The following CSMD1 variants were observed in gnomAD, a reference collection of about 807,000 sequenced individuals.
The protein encoded by CSMD1 is CUB and sushi domain-containing protein 1.
A neutral mutation model predicts 417.5 loss-of-function variants in CSMD1; 213 were observed. The ratio of observed to expected loss-of-function variants is 0.51; its 90% CI spans 0.46 to 0.57. CSMD1 has a LOEUF of 0.57. CSMD1 is among the 20% of genes least tolerant of loss of function. The pLI is 0.00. For missense variants in CSMD1, 6,923 were observed against 4,529.7 expected, an observed-to-expected ratio of 1.53 and a Z score of -15.17; for synonymous variants, 2,862 against 1,736.8, an observed-to-expected ratio of 1.65 and a Z score of -16.11.
intron 3 of CSMD1, among the ~76,000 whole-genome samples, chr8:4,327,774 C>T (rs1386597496): frequency 1.3e-5 from 2 of 152,164 alleles, no homozygotes; most frequent in East Asian, 3.8e-4. Flanking sequence ...TTTATTTAAT[C>T]ATAAAACCAA....
intron 6 of CSMD1, among the ~76,000 whole-genome samples, chr8:3,719,574 T>C (rs562374444): frequency 2.0e-5 from 3 of 152,300 alleles, no homozygotes; most frequent in East Asian, 3.9e-4. Context: ...AGAGCAATAA[T>C]ACATCTCTTG....
At chr8:3,954,799 C>T (rs971423209) in intron 5 of CSMD1, among the ~76,000 whole-genome samples, 1 of 151,776 alleles carries the variant, frequency 6.6e-6, no homozygotes, top group East Asian at 1.9e-4. Flanking sequence ...CACGCAGAGC[C>T]TCCTTGCCCC....
intron 25 of CSMD1, among the ~76,000 whole-genome samples, chr8:3,303,572 T>C (rs1229746078): frequency 1.3e-5 from 2 of 152,192 alleles, no homozygotes; most frequent in African/African-American, 4.8e-5. Context: ...TGCTAACAAT[T>C]AGGAACAGAA....
intron 5 of CSMD1, among the ~76,000 whole-genome samples, chr8:3,921,227 T>C (rs563112586): frequency 4.9e-4 from 74 of 152,246 alleles, no homozygotes; most frequent in African/African-American, 1.5e-3. Flanking sequence ...ATTTTTACAG[T>C]ATTGTATTTA....
At position 3,795,800 on chromosome 8, in the gene CSMD1, C is replaced by T. The variant is rs117953135; in HGVS notation, c.819-41758G>A. Among the ~76,000 whole-genome samples, 126 of 20,496 alleles carry T rather than the reference C, an allele frequency of 6.1e-3. 28 individuals are homozygous for T. The highest frequency in any genetic ancestry group is 0.01 in the Non-Finnish European group (91 of 8,906). The allele number at this position is 20,496 out of a possible 152,430, so 13.4% of individuals were successfully genotyped here. A position where few individuals can be genotyped will look rare whatever the true frequency, so the allele number is the denominator to read the frequency against. ...TATCATGTACAGATATAGATATATA[C>T]CTATCATGTACAGATATAGATATAT... On this transcript the variant is annotated intron_variant, in intron 5 of 69. Transcript: ENST00000635120.
chr8:2,981,636 C>T (rs542879464), intron 54 of CSMD1, among the ~76,000 whole-genome samples: 16 of 152,084 alleles, frequency 1.1e-4, no homozygotes, highest in South Asian at 2.1e-4. Flanking sequence ...TACAGCTCAG[C>T]GTGGATTTTG....
intron 46 of CSMD1, among the ~76,000 whole-genome samples, chr8:3,097,765 G>T (rs538696328): frequency 3.9e-5 from 6 of 152,050 alleles, no homozygotes; most frequent in South Asian, 2.1e-4. Flanking sequence ...GATCGGGGGT[G>T]GGGGGAACTA....
chr8:3,110,092 A>G, intron 43 of CSMD1, 66 bp downstream of exon 43: 1 of 1,314,290 alleles, frequency 7.6e-7, no homozygotes, highest in Non-Finnish European at 1.0e-6. Flanking sequence ...TATAAGTGGC[A>G]TATGTATGCT....
chr8:4,665,897 T>C (rs1804887282), intron 1 of CSMD1, among the ~76,000 whole-genome samples: 1 of 152,198 alleles, frequency 6.6e-6, no homozygotes, highest in South Asian at 2.1e-4. Flanking sequence ...GATTGTATAG[T>C]AGGTATATAT....
At chr8:3,448,303 G>C (rs1324607923) in intron 12 of CSMD1, among the ~76,000 whole-genome samples, 3 of 12,100 alleles carry the variant, frequency 2.5e-4, no homozygotes, top group Non-Finnish European at 7.5e-4. Flanking sequence ...GAAACTGGTG[G>C]GAAGGAAGGA....
chr8:4,104,446 A>G (rs964210760), intron 3 of CSMD1, among the ~76,000 whole-genome samples: 2 of 149,838 alleles, frequency 1.3e-5, no homozygotes, highest in African/African-American at 5.0e-5. Flanking sequence ...ATGCACACAC[A>G]CACACAGGAT....
intron 1 of CSMD1, among the ~76,000 whole-genome samples, chr8:4,943,945 C>G (rs1464061070): frequency 6.6e-6 from 1 of 152,046 alleles, no homozygotes; most frequent in Non-Finnish European, 1.5e-5. Flanking sequence ...TATGGAAAGA[C>G]AGAAAATGTA....
intron 29 of CSMD1, among the ~76,000 whole-genome samples, chr8:3,217,569 G>C (rs1797954412): frequency 6.6e-6 from 1 of 152,168 alleles, no homozygotes; most frequent in Non-Finnish European, 1.5e-5. Context: ...AATAAGTACT[G>C]TCATGGTAAA....
chr8:3,233,722 T>C (rs1798985802), intron 26 of CSMD1, among the ~76,000 whole-genome samples: 1 of 152,226 alleles, frequency 6.6e-6, no homozygotes, highest in Non-Finnish European at 1.5e-5. Flanking sequence ...ACTAAGTTGT[T>C]TGTAAGTTTT....
chr8:3,355,301 G>T (rs929566192), intron 21 of CSMD1, among the ~76,000 whole-genome samples: 1 of 151,972 alleles, frequency 6.6e-6, no homozygotes, highest in African/African-American at 2.4e-5. Context: ...ATTCTGAAAT[G>T]ATGTCATAGA....
At chr8:4,170,163 A>G (rs570615763) in intron 3 of CSMD1, among the ~76,000 whole-genome samples, 1 of 151,800 alleles carries the variant, frequency 6.6e-6, no homozygotes, top group African/African-American at 2.4e-5. Context: ...CTCCTTGTTG[A>G]TAAGAGTGAA....
Position 3,753,914 on chromosome 8 carries a change from G to A in CSMD1, c.931+16C>T, listed in dbSNP as rs946545284. On this transcript the variant is annotated intron_variant, in intron 6 of 69. Coordinates refer to ENST00000635120, the MANE Select transcript of CSMD1 (RefSeq NM_033225.6). Reference sequence around the variant, plus strand: ...GCTCTGTTTTTTTTTTTTCTTATAAGATGGAGCATCCTTACCTTGGAACTG... The same window carrying A: ...GCTCTGTTTTTTTTTTTTCTTATAAAATGGAGCATCCTTACCTTGGAACTG... The A allele has an allele frequency of 3.9e-6, 6 of 1,522,464 alleles. No individual in the cohort carries two copies. Among genetic ancestry groups the A allele is most frequent in the Admixed American group, 1.7e-5 (1 of 57,654 alleles). 94.3% of individuals were successfully genotyped at this position (1,522,464 alleles called of 1,614,324 possible). A position where few individuals can be genotyped will look rare whatever the true frequency, so the allele number is the denominator to read the frequency against.
chr8:3,569,555 T>C (rs6558797), intron 10 of CSMD1, among the ~76,000 whole-genome samples: 124,442 of 152,228 alleles, frequency 0.82, 51,528 homozygotes, highest in Non-Finnish European at 0.89. Flanking sequence ...AACACACAAA[T>C]TGAAGTATGC....
intron 1 of CSMD1, among the ~76,000 whole-genome samples, chr8:4,785,147 G>T (rs1272361327): frequency 1.3e-5 from 2 of 152,188 alleles, no homozygotes; most frequent in South Asian, 4.1e-4. Context: ...GGAAAAGATA[G>T]CATGTTTCCA....
Sources: gnomAD v4.1 joint callset for allele counts (sites outside exome capture counted in the v4.1 genomes callset) on GRCh38, gnomAD v4.1.1 for gene constraint, MANE v1.5 for transcripts, NCBI Gene and HGNC (gene_info 2026-07-23, HGNC 2026-07-21) for gene names.